Variants in UTP20 observed in about 807,000 individuals in gnomAD.
UTP20 encodes the protein UTP20 small subunit processome component, also known as small subunit processome component 20 homolog.
UTP20 carries 164 observed loss-of-function variants against 329.5 expected under a neutral mutation model. The observed-to-expected ratio is 0.50, with a 90% confidence interval of 0.44 to 0.57. The LOEUF is 0.57. Ranked by LOEUF, UTP20 falls within the 20% of genes least tolerant of loss-of-function variation. The pLI is 0.00. For synonymous variants in UTP20, 1,151 were observed against 1,159.3 expected (o/e 0.99, Z 0.14); for missense variants, 3,055 against 3,284.2 (o/e 0.93, Z 1.71).
intron 26 of UTP20, 53 bp from the exon 27 acceptor site, chr12:101,329,188 T>C: frequency 1.4e-6 from 2 of 1,454,922 alleles, no homozygotes; most frequent in Non-Finnish European, 1.9e-6. Context: ...TTATAAATAG[T>C]AACAAACTAA....
chr12:101,320,665 T>C lies in UTP20; in HGVS notation c.2830-187T>C, dbSNP rs1873120895. Among the ~76,000 whole-genome samples the C allele has an allele frequency of 1.3e-5, 2 of 152,218 alleles. 1 individual carries two copies. Among genetic ancestry groups the C allele is most frequent in the South Asian group, 4.1e-4 (2 of 4,832 alleles). On this transcript the variant is annotated intron_variant, in intron 23 of 61. Transcript: ENST00000261637. ...GAGAGTTTTGTTTCCATTTTTACTT[T>C]GCATATATTCTGTTCATCTTTTTTT...
In UTP20 at chr12:101,280,236, C is replaced by T. The variant is rs1289354996; in HGVS notation, c.-47C>T. ...TCCCCTCCTTACTGTCGGTTGCATC[C>T]CTTCGACACTCCCGAGGCCGTCGCG... On this transcript the variant is annotated 5_prime_UTR_variant, in exon 1 of 62. Coordinates refer to ENST00000261637, the MANE Select transcript of UTP20 (RefSeq NM_014503.3). 1.9e-6 allele frequency: 3 copies of T among 1,550,924 alleles called. No individual in the cohort carries two copies. The highest frequency in any genetic ancestry group is 1.7e-6 in the Non-Finnish European group (2 of 1,146,470).
At chr12:101,345,476 A>T in intron 36 of UTP20, 78 bp from the exon 37 acceptor site, 1 of 1,000,778 alleles carries the variant, frequency 1.0e-6, no homozygotes, top group Non-Finnish European at 1.4e-6. Context: ...TTAAAATTTT[A>T]TGTTTTTTTC....
chr12:101,293,658 C>T (rs1211292840), intron 11 of UTP20, among the ~76,000 whole-genome samples: 1 of 152,056 alleles, frequency 6.6e-6, no homozygotes, highest in Non-Finnish European at 1.5e-5. Context: ...ACACTTGGCC[C>T]TCCTCCTAAC....
chr12:101,311,048 C>T (rs191575062), intron 19 of UTP20, among the ~76,000 whole-genome samples: 74 of 152,324 alleles, frequency 4.9e-4, no homozygotes, highest in African/African-American at 1.7e-3. Context: ...GGCTGTCTTC[C>T]TGTTGGGTAC....
intron 43 of UTP20, among the ~76,000 whole-genome samples, chr12:101,357,772 G>A (rs924540328): frequency 5.3e-5 from 8 of 151,914 alleles, no homozygotes; most frequent in Admixed American, 4.6e-4. Flanking sequence ...AAATAAGAGC[G>A]CCAAGTGGAA....
chr12:101,344,228 A>G (rs1178946772), intron 35 of UTP20, among the ~76,000 whole-genome samples: 1 of 152,228 alleles, frequency 6.6e-6, no homozygotes, highest in Non-Finnish European at 1.5e-5. Context: ...TTCAAACCAC[A>G]AACTCTGGAG....
chr12:101,365,567 C>T lies in UTP20; in HGVS notation c.6067C>T (p.Leu2023=). The T allele has an allele frequency of 6.2e-7, 1 of 1,612,292 alleles. No homozygotes were observed. The highest frequency in any genetic ancestry group is 1.3e-5 in the African/African-American group (1 of 74,886). The part of the protein sequence containing the change: ...VNQEMTAESI[L]LLSYGLISEN... The stretch of plus-strand genomic sequence containing the variant: ...TCAGGAAATGACAGCTGAATCCATT[C>T]TATTACTCAGTTATGGTTTGATCAG... The change falls in exon 46 of 62, where the codon CTA becomes TTA. Residue 2023 remains leucine (L), a synonymous_variant. Transcript: ENST00000261637.
At chr12:101,325,971 G>A (rs1160162015) in intron 25 of UTP20, among the ~76,000 whole-genome samples, 2 of 152,156 alleles carry the variant, frequency 1.3e-5, no homozygotes, top group Non-Finnish European at 2.9e-5. Flanking sequence ...GCAGTGAAAT[G>A]TGTCAACATT....
chr12:101,364,449 A>C (rs1870029556), intron 45 of UTP20, among the ~76,000 whole-genome samples: 1 of 152,170 alleles, frequency 6.6e-6, no homozygotes, highest in African/African-American at 2.4e-5. Flanking sequence ...CATTTTACAA[A>C]TAAGAAAATT....
chr12:101,351,656 C>T (rs953755655), intron 38 of UTP20, among the ~76,000 whole-genome samples: 7 of 151,670 alleles, frequency 4.6e-5, no homozygotes, highest in African/African-American at 7.3e-5. Context: ...ATATTAAGCC[C>T]AGCATGCTTT....
chr12:101,327,028 A>T (rs1038426364), intron 25 of UTP20, 53 bp from the exon 26 acceptor site: 1 of 1,539,360 alleles, frequency 6.5e-7, no homozygotes, highest in Non-Finnish European at 8.8e-7. Context: ...AAATAAAACA[A>T]CTCATATTTT....
rs377746179 is a variant in UTP20, at chr12:101,356,641, G to A, written c.5482G>A (p.Val1828Ile). 8.7e-6 allele frequency: 14 copies of A among 1,613,960 alleles called. No individual in the cohort carries two copies. Among genetic ancestry groups the A allele is most frequent in the African/African-American group, 6.7e-5 (5 of 74,936 alleles). ...VVRVPLAFAM[V>I]KLMQSLPQEV... Reference sequence around the variant, plus strand: ...TCGAGTTCCATTAGCTTTTGCCATGGTTAAACTAATGCAGTCCCTTCCACA... The same window carrying A: ...TCGAGTTCCATTAGCTTTTGCCATGATTAAACTAATGCAGTCCCTTCCACA... The change falls in exon 42 of 62, where the codon GTT (valine) becomes ATT (isoleucine). Residue 1828 changes from valine to isoleucine, a missense_variant. Val to Ile is a conservative substitution (Grantham distance 29). Coordinates refer to ENST00000261637, the MANE Select transcript of UTP20 (RefSeq NM_014503.3).
intron 56 of UTP20, among the ~76,000 whole-genome samples, chr12:101,378,714 T>C (rs1227985374): frequency 1.3e-5 from 2 of 151,222 alleles, no homozygotes; most frequent in Non-Finnish European, 2.9e-5. Context: ...AATGAAACCC[T>C]GTCGCAAAAA....
chr12:101,317,775 G>A (rs903231342), intron 22 of UTP20, 112 bp downstream of exon 22: 64 of 1,174,568 alleles, frequency 5.4e-5, no homozygotes, highest in South Asian at 3.2e-4. Context: ...TTACGTAAGC[G>A]CTACATCTTC....
In UTP20 at chr12:101,281,126, T is replaced by G. The variant is rs777483339; in HGVS notation, c.56T>G (p.Phe19Cys). Reference sequence around the variant, plus strand: ...TACTTTCCCTTCCAGTTTCTTACATTTGCTGAACGACTGGGGAATGTTAAT... The same window carrying G: ...TACTTTCCCTTCCAGTTTCTTACATGTGCTGAACGACTGGGGAATGTTAAT... ...KTENTYRFLTFAERLGNVNID... is the reference protein window; with the variant it reads ...KTENTYRFLTCAERLGNVNID... Residue 19 changes from phenylalanine to cysteine, a missense_variant, in exon 2 of 62, where the codon TTT becomes TGT. This residue lies in a region of UTP20 where 2,445 missense variants were observed against 2,575.5 expected (regional missense o/e 0.95). Coordinates refer to ENST00000261637, the MANE Select transcript of UTP20 (RefSeq NM_014503.3). 6.2e-7 allele frequency: 1 copy of G among 1,612,300 alleles called. No homozygotes were observed. Among genetic ancestry groups the G allele is most frequent in the South Asian group, 1.1e-5 (1 of 90,698 alleles).
Position 101,290,980 on chromosome 12 carries a change from A to T in UTP20, c.891+92A>T, listed in dbSNP as rs981029856. On this transcript the variant is annotated intron_variant, in intron 8 of 61. Transcript: ENST00000261637. ...GTTTTGCAAATCACTCCTAGAAGTT[A>T]TATTTTATAATTGTTTTATTTATAC... 2.7e-5 allele frequency: 36 copies of T among 1,315,830 alleles called. 1 individual carries two copies. Among genetic ancestry groups the T allele is most frequent in the South Asian group, 1.4e-4 (9 of 64,908 alleles). 81.5% of individuals were successfully genotyped at this position (1,315,830 alleles called of 1,614,324 possible). A position where few individuals can be genotyped will look rare whatever the true frequency, so the allele number is the denominator to read the frequency against.
chr12:101,305,846 G>A, intron 15 of UTP20, 69 bp from the exon 16 acceptor site: 5 of 1,378,992 alleles, frequency 3.6e-6, no homozygotes, highest in South Asian at 2.0e-5. Context: ...ATTTTCTGTG[G>A]CTTATACTAT....
chr12:101,317,758 T>C, intron 22 of UTP20, 95 bp downstream of exon 22: 2 of 1,286,986 alleles, frequency 1.6e-6, no homozygotes, highest in Non-Finnish European at 1.0e-6. Flanking sequence ...ACTACTCAGA[T>C]AATTATTTAC....
Sources: gnomAD v4.1 joint callset for allele counts (sites outside exome capture counted in the v4.1 genomes callset) on GRCh38, gnomAD v4.1.1 for gene constraint, gnomAD v4.1.1 regional missense constraint, MANE v1.5 for transcripts, NCBI Gene and HGNC (gene_info 2026-07-23, HGNC 2026-07-21) for gene names.